Variants in CNGA1 observed in about 807,000 individuals in gnomAD.
CNGA1 encodes cyclic nucleotide-gated channel alpha-1.
CNGA1 carries 53 observed loss-of-function variants against 69.7 expected under a neutral mutation model. The observed-to-expected ratio is 0.76, with a 90% CI of 0.61 to 0.96. The LOEUF is 0.96. Among genes scored for constraint, CNGA1 ranks in the 40% least tolerant of loss-of-function variants. The pLI is 0.00. For synonymous variants in CNGA1, 249 were observed against 283.5 expected (o/e 0.88, Z 1.22); for missense variants, 739 against 811.2 (o/e 0.91, Z 1.08).
chr4:47,956,270 G>A (rs10938509), intron 3 of CNGA1, among the ~76,000 whole-genome samples: 49,878 of 152,114 alleles, frequency 0.33, 9,809 homozygotes, highest in Non-Finnish European at 0.44. Context: ...GGCTATCCCC[G>A]TCTGGTTACT....
At position 48,002,667 on chromosome 4, in the gene CNGA1, G is replaced by A. The variant is rs371786455; in HGVS notation, c.-123+8127C>T. Among the ~76,000 whole-genome samples the A allele has an allele frequency of 2.4e-3, 338 of 140,692 alleles. 2 individuals carry two copies. Among genetic ancestry groups the A allele is most frequent in the Middle Eastern group, 0.015 (4 of 272 alleles). The allele number at this position is 140,692 out of a possible 152,430, so 92.3% of individuals were successfully genotyped here. On this transcript the variant is annotated intron_variant, in intron 2 of 10. Transcript: ENST00000514170. ...TGGGTTGGCTGGTCCAGGTGGAGCCGTGGGTGTCAGACATGCAAAAAAAAA... is the reference window on the plus strand; with the variant it reads ...TGGGTTGGCTGGTCCAGGTGGAGCCATGGGTGTCAGACATGCAAAAAAAAA...
chr4:47,992,641 G>T, intron 2 of CNGA1, among the ~76,000 whole-genome samples: 1 of 148,220 alleles, frequency 6.7e-6, no homozygotes, highest in Non-Finnish European at 1.5e-5. Flanking sequence ...CATCTTTACT[G>T]ATTTGGATGC....
At chr4:47,945,897 A>G (rs1426999663) in intron 6 of CNGA1, among the ~76,000 whole-genome samples, 1 of 151,960 alleles carries the variant, frequency 6.6e-6, no homozygotes, top group African/African-American at 2.4e-5. Context: ...GACATGTCCT[A>G]TGTGGAAAAT....
In CNGA1 at chr4:47,989,638, TA is replaced by T. The variant is rs1423255568; in HGVS notation, c.-122-8139del. Among the ~76,000 whole-genome samples, 5 of 152,116 alleles carry T rather than the reference TA, an allele frequency of 3.3e-5. No homozygotes were observed. The East Asian group carries it at 9.7e-4, about 29-fold the overall frequency. ...AATAATCAAAATTTAGCACCTGATT[TA>T]AAAAAAAATTTTTTTTGTTTCCGTA... On this transcript the variant is annotated intron_variant, in intron 2 of 10. Coordinates refer to ENST00000514170, the MANE Select transcript of CNGA1 (RefSeq NM_001379270.1).
rs1560617571 is a variant in CNGA1, at chr4:47,937,473, C to T, written c.1009G>A (p.Glu337Lys). The change falls in exon 11 of 11, where the codon GAA (glutamate) becomes AAA (lysine). Residue 337 changes from glutamate (E) to lysine (K), a missense_variant. Transcript: ENST00000514170. ...TATTTTCTAGCCAAACGGCCAAATT[C>T]AGGATCATTAATATCAGGGTAGACC... ...TWVYPDINDP[E>K]FGRLARKYVY... 1 of 1,614,162 alleles carries T rather than the reference C, an allele frequency of 6.2e-7. No individual in the cohort carries two copies. The highest frequency in any genetic ancestry group is 2.2e-5 in the East Asian group (1 of 44,882).
At chr4:47,974,359 A>G (rs959237339) in intron 3 of CNGA1, among the ~76,000 whole-genome samples, 1 of 147,702 alleles carries the variant, frequency 6.8e-6, no homozygotes, top group Non-Finnish European at 1.5e-5. Context: ...GAAAAAAGTC[A>G]TATTTTTAAA....
At chr4:47,940,992 C>T (rs1739040011) in intron 9 of CNGA1, 123 bp from the exon 10 acceptor site, 2 of 647,548 alleles carry the variant, frequency 3.1e-6, no homozygotes, top group Non-Finnish European at 5.5e-6. Context: ...AGGAGAGGTC[C>T]TTAGAGTCCT....
At chr4:47,942,359 GTTTTTT>G (rs201657712) in intron 8 of CNGA1, among the ~76,000 whole-genome samples, 4 of 123,314 alleles carry the variant, frequency 3.2e-5, no homozygotes, top group South Asian at 2.8e-4. Flanking sequence ...AAAACTACCA[GTTTTTT>G]TTTTTTTTTT....
intron 3 of CNGA1, among the ~76,000 whole-genome samples, chr4:47,955,569 T>C (rs1740040495): frequency 6.6e-6 from 1 of 152,218 alleles, no homozygotes. Context: ...TGCAGTTCCC[T>C]GCCTGAGCCA....
In CNGA1 at chr4:47,951,587, C is replaced by T. The variant is rs1707233156; in HGVS notation, c.108-118G>A. On this transcript the variant is annotated intron_variant, in intron 4 of 10. Coordinates refer to ENST00000514170, the MANE Select transcript of CNGA1 (RefSeq NM_001379270.1). ...CTCTTTTCCTTCCCTCTCAAACTAA[C>T]ACACATAACAATTTTTAGTTAGCAT... 2.9e-5 allele frequency: 21 copies of T among 730,818 alleles called. No individual in the cohort carries two copies. The Middle Eastern group carries it at 1.3e-3, about 47-fold the overall frequency. The allele number at this position is 730,818 out of a possible 1,614,324, so 45.3% of individuals were successfully genotyped here.
intron 3 of CNGA1, among the ~76,000 whole-genome samples, chr4:47,963,717 A>G (rs1578090970): frequency 6.6e-6 from 1 of 152,302 alleles, no homozygotes; most frequent in East Asian, 1.9e-4. Flanking sequence ...CCACCCATTT[A>G]TACTCTGCCC....
intron 2 of CNGA1, among the ~76,000 whole-genome samples, chr4:48,009,310 C>T (rs6838144): frequency 0.041 from 6,150 of 151,560 alleles, 166 homozygotes; most frequent in Non-Finnish European, 0.06. Flanking sequence ...ACCAGAAATA[C>T]GAAAAATTAG....
At chr4:47,968,823 T>C (rs1740863956) in intron 3 of CNGA1, among the ~76,000 whole-genome samples, 1 of 151,978 alleles carries the variant, frequency 6.6e-6, no homozygotes, top group Non-Finnish European at 1.5e-5. Flanking sequence ...TCTAGGCAAA[T>C]GGAAATTCAT....
At chr4:47,950,041 A>G (rs1739649023) in intron 5 of CNGA1, 146 bp from the exon 6 acceptor site, 23 of 709,370 alleles carry the variant, frequency 3.2e-5, no homozygotes, top group South Asian at 2.4e-4. Flanking sequence ...TCAAAAACAT[A>G]TTATGAAGCA....
chr4:47,967,338 A>G (rs1740780888), intron 3 of CNGA1, among the ~76,000 whole-genome samples: 1 of 152,028 alleles, frequency 6.6e-6, no homozygotes, highest in South Asian at 2.1e-4. Flanking sequence ...AAAAGAAACT[A>G]CAGTTGACAT....
At chr4:47,985,914 T>G (rs1031314621) in intron 2 of CNGA1, among the ~76,000 whole-genome samples, 7 of 152,164 alleles carry the variant, frequency 4.6e-5, no homozygotes, top group Non-Finnish European at 7.3e-5. Context: ...CCTCATTAGG[T>G]TTTTCTGAGA....
intron 2 of CNGA1, among the ~76,000 whole-genome samples, chr4:47,981,958 TC>T (rs1216239164): frequency 6.6e-6 from 1 of 152,230 alleles, no homozygotes; most frequent in Non-Finnish European, 1.5e-5. Context: ...TAGTCATTGA[TC>T]TTTTAATTGT....
intron 3 of CNGA1, chr4:47,971,159 T>C (rs1740998789): frequency 4.7e-6 from 2 of 427,964 alleles, no homozygotes; most frequent in African/African-American, 5.2e-5. Context: ...TATATGTAAA[T>C]ATCTATATTT....
At chr4:47,950,665 G>GA (rs1375125729) in intron 5 of CNGA1, among the ~76,000 whole-genome samples, 5 of 151,606 alleles carry the variant, frequency 3.3e-5, no homozygotes, top group African/African-American at 4.8e-5. Context: ...TAAGAAAAAG[G>GA]AAAAAAAAGT....
Sources: gnomAD v4.1 joint callset for allele counts (sites outside exome capture counted in the v4.1 genomes callset) on GRCh38, gnomAD v4.1.1 for gene constraint, MANE v1.5 for transcripts, NCBI Gene and HGNC (gene_info 2026-07-23, HGNC 2026-07-21) for gene names.